The following ADGRL3 variants were observed in gnomAD, a reference collection of about 807,000 sequenced individuals.
The protein encoded by ADGRL3 is adhesion G protein-coupled receptor L3.
ADGRL3 carries 62 observed loss-of-function variants against 153.5 expected under a neutral mutation model. The ratio of observed to expected loss-of-function variants is 0.40; its 90% CI spans 0.33 to 0.50. The LOEUF (loss-of-function observed/expected upper bound fraction) is 0.50, where lower values mean the gene tolerates loss of function less well. Ranked by LOEUF, ADGRL3 falls within the 20% of genes least tolerant of loss-of-function variation. ADGRL3 has a pLI of 0.47. For missense variants in ADGRL3, 1,641 were observed against 1,859.4 expected (o/e 0.88, Z 2.16); for synonymous variants, 710 against 672.5 (o/e 1.06, Z -0.86).
At chr4:61,588,984 A>G (rs2098958063) in intron 5 of ADGRL3, among the ~76,000 whole-genome samples, 1 of 152,050 alleles carries the variant, frequency 6.6e-6, no homozygotes, top group African/African-American at 2.4e-5. Flanking sequence ...TCATCTGTAT[A>G]TGATTTTCAC....
intron 11 of ADGRL3, among the ~76,000 whole-genome samples, chr4:61,897,391 G>C (rs2149669885): frequency 6.6e-6 from 1 of 152,282 alleles, no homozygotes. Context: ...TATGTAACTT[G>C]TCCAAGGTCA....
chr4:61,476,379 G>A (rs1315554344), intron 2 of ADGRL3, among the ~76,000 whole-genome samples: 8 of 151,688 alleles, frequency 5.3e-5, no homozygotes, highest in Admixed American at 2.6e-4. Flanking sequence ...GGCACACACC[G>A]CCATGCCTGG....
chr4:61,526,263 T>C (rs916413570), intron 4 of ADGRL3, among the ~76,000 whole-genome samples: 2 of 152,114 alleles, frequency 1.3e-5, no homozygotes, highest in African/African-American at 4.8e-5. Flanking sequence ...CACTGATAAA[T>C]TACTGACTCA....
chr4:61,723,131 C>G (rs1222346591), intron 6 of ADGRL3, among the ~76,000 whole-genome samples: 1 of 152,182 alleles, frequency 6.6e-6, no homozygotes, highest in Non-Finnish European at 1.5e-5. Context: ...CTCTGTCATT[C>G]ACTTCTATTC....
At chr4:61,930,537 A>G (rs1235949582) in intron 13 of ADGRL3, among the ~76,000 whole-genome samples, 1 of 152,190 alleles carries the variant, frequency 6.6e-6, no homozygotes, top group Non-Finnish European at 1.5e-5. Context: ...TGAAATATAG[A>G]AAGTGTAATT....
At chr4:61,904,677 GA>G (rs11305765) in intron 11 of ADGRL3, among the ~76,000 whole-genome samples, 140,343 of 149,158 alleles carry the variant, frequency 0.94, 66,252 homozygotes, top group East Asian at 1. Flanking sequence ...TAACTACACA[GA>G]AAAAAAAAAA....
At chr4:61,438,595 G>A (rs2097484002) in intron 2 of ADGRL3, among the ~76,000 whole-genome samples, 1 of 151,898 alleles carries the variant, frequency 6.6e-6, no homozygotes, top group African/African-American at 2.4e-5. Flanking sequence ...TGTCTTCACT[G>A]CTAGGTCCTG....
At chr4:61,207,679 T>G (rs1310065405) in intron 1 of ADGRL3, among the ~76,000 whole-genome samples, 2 of 152,200 alleles carry the variant, frequency 1.3e-5, no homozygotes, top group African/African-American at 2.4e-5. Context: ...TGTAAAAGCA[T>G]TCCTATTTCT....
chr4:61,908,582 T>C (rs2098707263), intron 11 of ADGRL3, among the ~76,000 whole-genome samples: 2 of 136,310 alleles, frequency 1.5e-5, no homozygotes, highest in Non-Finnish European at 3.1e-5. Context: ...CACTCCAGCC[T>C]GGGCGACAAG....
intron 8 of ADGRL3, among the ~76,000 whole-genome samples, chr4:61,755,440 T>G (rs531550123): frequency 6.6e-6 from 1 of 152,250 alleles, no homozygotes; most frequent in Non-Finnish European, 1.5e-5. Context: ...TCTGTTCATA[T>G]CCTTCGCCCA....
At position 61,909,627 on chromosome 4, in the gene ADGRL3, A is replaced by T. The variant is rs1438964243; in HGVS notation, c.1955A>T (p.Asn652Ile). The T allele has an allele frequency of 1.2e-6, 2 of 1,613,456 alleles. No homozygotes were observed. Among genetic ancestry groups the T allele is most frequent in the Non-Finnish European group, 1.7e-6 (2 of 1,179,776 alleles). ...ELAEQTRNHL[N>I]AGDITYSVRA... ...GCTGAACAGACAAGAAATCACTTGA[A>T]TGCTGGGGACATCACCTACTCTGTC... The change falls in exon 12 of 27, where the codon AAT becomes ATT. Residue 652 changes from asparagine (N) to isoleucine (I), a missense_variant. This residue lies in a region of ADGRL3 where 734 missense variants were observed against 797.0 expected (regional missense o/e 0.92). Transcript: ENST00000683033.
intron 9 of ADGRL3, among the ~76,000 whole-genome samples, chr4:61,847,628 AATATATT>A (rs1434462416): frequency 1.7e-4 from 6 of 35,528 alleles, no homozygotes; most frequent in South Asian, 5.6e-4. Flanking sequence ...TATAATATAA[AATATATT>A]ATATATATAA....
At chr4:61,897,781 A>G (rs1244753784) in intron 11 of ADGRL3, among the ~76,000 whole-genome samples, 1 of 152,060 alleles carries the variant, frequency 6.6e-6, no homozygotes. Flanking sequence ...CTCTCATTGT[A>G]ATACCTGTGT....
chr4:61,914,004 A>G (rs985318099), intron 13 of ADGRL3, among the ~76,000 whole-genome samples: 10 of 152,280 alleles, frequency 6.6e-5, no homozygotes, highest in African/African-American at 2.4e-4. Context: ...TTAGTGAACA[A>G]GGCAAATATA....
chr4:62,033,700 A>G (rs755151268), intron 23 of ADGRL3, among the ~76,000 whole-genome samples: 2 of 151,854 alleles, frequency 1.3e-5, no homozygotes, highest in African/African-American at 4.8e-5. Flanking sequence ...ATATTAGGTC[A>G]TTATGATCAG....
chr4:61,822,328 A>G (rs2097763434), intron 9 of ADGRL3, among the ~76,000 whole-genome samples: 1 of 152,194 alleles, frequency 6.6e-6, no homozygotes, highest in South Asian at 2.1e-4. Flanking sequence ...CCCATTTATT[A>G]AGTATGTACC....
chr4:61,496,777 T>TA (rs1458700980), intron 2 of ADGRL3, among the ~76,000 whole-genome samples: 9 of 151,260 alleles, frequency 6.0e-5, no homozygotes, highest in African/African-American at 1.9e-4. Context: ...CCATCTCTAC[T>TA]AAAAATACAA....
At chr4:61,285,745 C>A (rs111378645) in intron 1 of ADGRL3, among the ~76,000 whole-genome samples, 1 of 151,764 alleles carries the variant, frequency 6.6e-6, no homozygotes, top group East Asian at 1.9e-4. Flanking sequence ...TGGTGCTCTC[C>A]TTACAGGCCT....
In ADGRL3 at chr4:61,894,003, G is replaced by A. The variant is rs546303284; in HGVS notation, c.1783+1045G>A. On this transcript the variant is annotated intron_variant, in intron 10 of 26. Transcript: ENST00000683033. ...TGGGAGTACAGGCATAAGCCACTGC[G>A]CCTGGCCTTCTTTGCCTATTTTATT... Among the ~76,000 whole-genome samples, 8 of 152,104 alleles carry A rather than the reference G, an allele frequency of 5.3e-5. No individual in the cohort carries two copies. The East Asian group carries it at 1.2e-3, about 22-fold the overall frequency.
Sources: gnomAD v4.1 joint callset for allele counts (sites outside exome capture counted in the v4.1 genomes callset) on GRCh38, gnomAD v4.1.1 for gene constraint, gnomAD v4.1.1 regional missense constraint, MANE v1.5 for transcripts, NCBI Gene and HGNC (gene_info 2026-07-23, HGNC 2026-07-21) for gene names.